HOOK1: variants seen among roughly 807,000 people sequenced by gnomAD.
HOOK1 encodes protein Hook homolog 1.
In HOOK1, 60 loss-of-function variants were observed where a neutral mutation model predicts 112.8. That is an observed-to-expected ratio of 0.53 (90% confidence interval 0.43 to 0.66). The LOEUF is 0.66. Ranked by LOEUF, HOOK1 falls within the 30% of genes least tolerant of loss-of-function variation. The pLI is 0.00. For synonymous variants in HOOK1, 294 were observed against 283.8 expected (o/e 1.04, Z -0.36); for missense variants, 770 against 856.0 (o/e 0.90, Z 1.25).
At chr1:59,846,343 C>G (rs2098403767) in intron 9 of HOOK1, among the ~76,000 whole-genome samples, 1 of 151,570 alleles carries the variant, frequency 6.6e-6, no homozygotes, top group African/African-American at 2.4e-5. Flanking sequence ...GCTAGAGGTT[C>G]ATCAGTTTTC....
chr1:59,871,169 G>C (rs1644050217), intron 21 of HOOK1, 59 bp downstream of exon 21: 1 of 1,098,146 alleles, frequency 9.1e-7, no homozygotes. Context: ...ACTTTTTTTT[G>C]ACCAAGTACA....
intron 3 of HOOK1, among the ~76,000 whole-genome samples, chr1:59,830,304 A>G (rs1053134199): frequency 5.3e-5 from 8 of 152,060 alleles, no homozygotes; most frequent in Non-Finnish European, 1.0e-4. Context: ...TAAATCTCTA[A>G]TGATGATTTC....
intron 17 of HOOK1, chr1:59,864,882 A>C: frequency 1.8e-6 from 1 of 546,510 alleles, no homozygotes; most frequent in Non-Finnish European, 3.3e-6. Context: ...TCATTTGAAA[A>C]GTTTAAAAAA....
intron 1 of HOOK1, among the ~76,000 whole-genome samples, chr1:59,820,761 C>T (rs1283146476): frequency 1.3e-5 from 2 of 152,190 alleles, no homozygotes; most frequent in African/African-American, 4.8e-5. Flanking sequence ...TTCCTCCTCT[C>T]CTTAACTTTT....
rs533399046 is a variant in HOOK1 at position 59,814,952 on chromosome 1, A to T, written c.-166A>T. ...GGCGGGGGCGGGTGAGGAGGGGGTG[A>T]CGCCGGACGCGTCGACAGCGCGAGG... On this transcript the variant is annotated 5_prime_UTR_variant, in exon 1 of 22. Coordinates refer to ENST00000371208, the MANE Select transcript of HOOK1 (RefSeq NM_015888.6). 110 of 639,636 alleles carry T rather than the reference A, an allele frequency of 1.7e-4. 2 individuals are homozygous for T. The highest frequency in any genetic ancestry group is 1.6e-3 in the South Asian group (81 of 51,660). The allele number at this position is 639,636 out of a possible 1,614,324, so 39.6% of individuals were successfully genotyped here.
rs1644115049 is a variant in HOOK1 at position 59,875,256 on chromosome 1, A to G, written c.*2291A>G. On this transcript the variant is annotated 3_prime_UTR_variant, in exon 22 of 22. Coordinates refer to ENST00000371208, the MANE Select transcript of HOOK1 (RefSeq NM_015888.6). ...TATACTTGGAACTTCTAAATCATGC[A>G]ATTTCTGAATAAGGACATAAGGCTA... The G allele has an allele frequency of 6.6e-6, 1 of 152,550 alleles. No individual in the cohort carries two copies. The highest frequency in any genetic ancestry group is 1.5e-5 in the Non-Finnish European group (1 of 67,986). The allele number at this position is 152,550 out of a possible 1,614,324, so 9.4% of individuals were successfully genotyped here.
At chr1:59,869,755 A>T (rs1644025415) in intron 20 of HOOK1, among the ~76,000 whole-genome samples, 1 of 152,150 alleles carries the variant, frequency 6.6e-6, no homozygotes, top group Admixed American at 6.6e-5. Flanking sequence ...TCTCAAAAGC[A>T]CTGGGTAGGG....
At chr1:59,854,143 C>T (rs1157967263) in intron 12 of HOOK1, among the ~76,000 whole-genome samples, 3 of 142,086 alleles carry the variant, frequency 2.1e-5, no homozygotes, top group East Asian at 2.2e-4. Flanking sequence ...CCTCTGCCTC[C>T]TGGGTTCAAG....
At chr1:59,816,507 T>C (rs573986266) in intron 1 of HOOK1, among the ~76,000 whole-genome samples, 5 of 152,358 alleles carry the variant, frequency 3.3e-5, no homozygotes, top group African/African-American at 1.2e-4. Flanking sequence ...TAAACCTCAA[T>C]TGACTGAAGT....
intron 1 of HOOK1, among the ~76,000 whole-genome samples, chr1:59,819,013 CTG>C (rs1402283474): frequency 1.3e-5 from 2 of 152,020 alleles, no homozygotes; most frequent in African/African-American, 4.8e-5. Context: ...TGCCAGAACA[CTG>C]TGTTTAGCGG....
intron 21 of HOOK1, 37 bp downstream of exon 21, chr1:59,871,147 G>T (rs779711235): frequency 6.8e-7 from 1 of 1,462,468 alleles, no homozygotes; most frequent in South Asian, 1.2e-5. Flanking sequence ...GATGAGAACG[G>T]TGTTTAAGCA....
At chr1:59,825,954 T>C (rs2098389585) in intron 2 of HOOK1, among the ~76,000 whole-genome samples, 1 of 152,192 alleles carries the variant, frequency 6.6e-6, no homozygotes, top group African/African-American at 2.4e-5. Flanking sequence ...ATCTATACTT[T>C]ATATACAACT....
In HOOK1 at chr1:59,870,422, A is replaced by T. The variant is rs114827576; in HGVS notation, c.1948-620A>T. 1.8e-3 allele frequency among the ~76,000 whole-genome samples: 269 copies of T among 152,340 alleles called. 1 individual carries two copies. Among genetic ancestry groups the T allele is most frequent in the Non-Finnish European group, 2.9e-3 (200 of 68,026 alleles). The stretch of plus-strand genomic sequence containing the variant: ...AGTGAATGTGAGTCTGAAGAAGGGC[A>T]TCACCTCTCTTTTGGGCTTGGTTCT... On this transcript the variant is annotated intron_variant, in intron 20 of 21. Coordinates refer to ENST00000371208, the MANE Select transcript of HOOK1 (RefSeq NM_015888.6).
At position 59,862,420 on chromosome 1, in the gene HOOK1, GA is replaced by G. The variant is rs907770410; in HGVS notation, c.1533-361del. Among the ~76,000 whole-genome samples the G allele has an allele frequency of 9.4e-4, 143 of 152,210 alleles. 1 individual carries two copies. The highest frequency in any genetic ancestry group is 3.3e-3 in the African/African-American group (139 of 41,546). The stretch of plus-strand genomic sequence containing the variant: ...CCTCTTCCAATACGCTGTGAAATCT[GA>G]AACAGAAGATGGAAATCTAGTTTTC... On this transcript the variant is annotated intron_variant, in intron 15 of 21. Coordinates refer to ENST00000371208, the MANE Select transcript of HOOK1 (RefSeq NM_015888.6).
rs2098405377 is a variant in HOOK1, at chr1:59,848,465, A to G, written c.1080A>G (p.Glu360=). The G allele has an allele frequency of 1.2e-6, 2 of 1,610,836 alleles. No individual in the cohort carries two copies. ...ATAATACAGTCAGCTTAGAAGAAGA[A>G]TTAAAAAAAGCAAATGCAGCACGTA... ...YMHNTVSLEE[E]LKKANAARTQ... is the part of the protein sequence containing the mutation. The change falls in exon 11 of 22, where the codon GAA becomes GAG. Residue 360 remains glutamate (E), a synonymous_variant. Transcript: ENST00000371208.
At chr1:59,847,537 A>G (rs2098404697) in intron 10 of HOOK1, among the ~76,000 whole-genome samples, 1 of 151,672 alleles carries the variant, frequency 6.6e-6, no homozygotes, top group Non-Finnish European at 1.5e-5. Flanking sequence ...TGTGTAAGGA[A>G]ATGTCAATCC....
At position 59,848,928 on chromosome 1, in the gene HOOK1, C is replaced by A. The variant is rs2098405623; in HGVS notation, c.1132-145C>A. 8.4e-6 allele frequency: 4 copies of A among 475,904 alleles called. No homozygotes were observed. The South Asian group carries it at 1.9e-4, about 23-fold the overall frequency. The allele number at this position is 475,904 out of a possible 1,614,324, so 29.5% of individuals were successfully genotyped here. On this transcript the variant is annotated intron_variant, in intron 11 of 21. Transcript: ENST00000371208. ...TTAATTCTTATCTATATGTTATTTT[C>A]CACAAGTATTTAAAATTAGACTGCA...
intron 16 of HOOK1, 90 bp from the exon 17 acceptor site, chr1:59,864,542 C>G (rs970666049): frequency 1.1e-5 from 9 of 789,062 alleles, no homozygotes; most frequent in Non-Finnish European, 2.0e-5. Context: ...CCTGGTACAC[C>G]TTCAAAAGGA....
At chr1:59,858,805 A>C in intron 13 of HOOK1, among the ~76,000 whole-genome samples, 180 bp from the exon 14 acceptor site, 1 of 139,784 alleles carries the variant, frequency 7.2e-6, no homozygotes, top group South Asian at 2.7e-4. Flanking sequence ...GAGGGAAAGG[A>C]AGGAAAGGAA....
Sources: gnomAD v4.1 joint callset for allele counts (sites outside exome capture counted in the v4.1 genomes callset) on GRCh38, gnomAD v4.1.1 for gene constraint, MANE v1.5 for transcripts, NCBI Gene and HGNC (gene_info 2026-07-23, HGNC 2026-07-21) for gene names.